WNT3: variants seen among roughly 807,000 people sequenced by gnomAD.
WNT3 encodes proto-oncogene Wnt-3.
WNT3 carries 7 observed loss-of-function variants against 34.2 expected under a neutral mutation model. The observed-to-expected ratio is 0.20, with a 90% CI of 0.12 to 0.38. The LOEUF (loss-of-function observed/expected upper bound fraction) is 0.38. WNT3 is among the 10% of genes least tolerant of loss of function. The probability of loss-of-function intolerance (pLI) is 1.00; values close to 1 mark genes in which losing one functional copy is unlikely to be tolerated. For synonymous variants in WNT3, 212 were observed against 211.5 expected (o/e 1.00, Z -0.02); for missense variants, 267 against 499.8 (o/e 0.53, Z 4.44).
At chr17:46,794,675 C>T (rs545552125) in intron 1 of WNT3, among the ~76,000 whole-genome samples, 1 of 152,224 alleles carries the variant, frequency 6.6e-6, no homozygotes, top group South Asian at 2.1e-4. Flanking sequence ...GGAATTCCCT[C>T]CTTTCCCAGG....
At chr17:46,773,456 G>A (rs541834242) in intron 2 of WNT3, among the ~76,000 whole-genome samples, 2 of 152,150 alleles carry the variant, frequency 1.3e-5, no homozygotes, top group South Asian at 2.1e-4. Context: ...TCTTGGTGTC[G>A]GCCCTCAAAC....
chr17:46,763,452 G>T lies in WNT3; in HGVS notation c.*1178C>A. The T allele has an allele frequency of 6.6e-6, 1 of 152,364 alleles. No homozygotes were observed. The allele number at this position is 152,364 out of a possible 1,614,324, so 9.4% of individuals were successfully genotyped here. A position where few individuals can be genotyped will look rare whatever the true frequency, so the allele number is the denominator to read the frequency against. ...GGAAGCTATCTCAGCATGCAGGTGA[G>T]GGAGGAAGAGCTGGGGGAAAGAACT... On this transcript the variant is annotated 3_prime_UTR_variant, in exon 5 of 5. Coordinates refer to ENST00000225512, the MANE Select transcript of WNT3 (RefSeq NM_030753.5).
At chr17:46,801,509 A>T (rs535098461) in intron 1 of WNT3, among the ~76,000 whole-genome samples, 23 of 122,658 alleles carry the variant, frequency 1.9e-4, no homozygotes, top group African/African-American at 7.2e-4. Context: ...AATCCCAGCA[A>T]CTTGGGAGGC....
chr17:46,769,688 G>C, intron 3 of WNT3, 95 bp downstream of exon 3: 1 of 1,536,970 alleles, frequency 6.5e-7, no homozygotes, highest in Non-Finnish European at 8.8e-7. Flanking sequence ...CGACCCACAG[G>C]GCTGCCGGAA....
intron 1 of WNT3, among the ~76,000 whole-genome samples, chr17:46,780,591 A>AG (rs2059452005): frequency 6.6e-6 from 1 of 152,114 alleles, no homozygotes; most frequent in Non-Finnish European, 1.5e-5. Flanking sequence ...GATCGAGACC[A>AG]CGGTGAAACC....
At position 46,788,133 on chromosome 17, in the gene WNT3, G is replaced by A. The variant is rs1182282024; in HGVS notation, c.81-14224C>T. ...AGTCCCCTTCAAAGAGGTGACATTC[G>A]AGCTGGGCCTTGAAGTTGAGCTCAG... On this transcript the variant is annotated intron_variant, in intron 1 of 4. Coordinates refer to ENST00000225512, the MANE Select transcript of WNT3 (RefSeq NM_030753.5). 2.6e-5 allele frequency among the ~76,000 whole-genome samples: 4 copies of A among 152,120 alleles called. No homozygotes were observed. In the East Asian group the frequency reaches 5.8e-4, roughly 22 times the overall value.
chr17:46,802,606 C>G (rs2084140511), intron 1 of WNT3, among the ~76,000 whole-genome samples: 1 of 152,144 alleles, frequency 6.6e-6, no homozygotes, highest in Non-Finnish European at 1.5e-5. Flanking sequence ...AACCCCAACC[C>G]CATCCTTTGG....
chr17:46,794,694 A>G (rs565393712), intron 1 of WNT3, among the ~76,000 whole-genome samples: 5 of 150,926 alleles, frequency 3.3e-5, no homozygotes, highest in African/African-American at 1.2e-4. Flanking sequence ...GGTCAGGAAG[A>G]TCTCGACCTC....
chr17:46,804,471 C>T (rs1023609502), intron 1 of WNT3, among the ~76,000 whole-genome samples: 1 of 152,200 alleles, frequency 6.6e-6, no homozygotes, highest in African/African-American at 2.4e-5. Flanking sequence ...ACTCCCTGCC[C>T]TATGGGGAAG....
intron 1 of WNT3, among the ~76,000 whole-genome samples, chr17:46,806,732 T>C (rs1312245197): frequency 6.6e-6 from 1 of 152,200 alleles, no homozygotes; most frequent in African/African-American, 2.4e-5. Flanking sequence ...GACCTGCACA[T>C]GTGTTGCCCA....
chr17:46,804,991 T>C (rs892911641), intron 1 of WNT3, among the ~76,000 whole-genome samples: 4 of 147,654 alleles, frequency 2.7e-5, no homozygotes, highest in Admixed American at 6.8e-5. Flanking sequence ...CTTTGTTCTT[T>C]TGCTCTTCAG....
intron 1 of WNT3, among the ~76,000 whole-genome samples, chr17:46,814,195 G>A (rs1052004063): frequency 3.3e-5 from 5 of 152,282 alleles, no homozygotes; most frequent in Non-Finnish European, 5.9e-5. Context: ...TCTTGGCCCC[G>A]GAGCTGTTGA....
chr17:46,773,432 G>T (rs978695024), intron 2 of WNT3, among the ~76,000 whole-genome samples: 1 of 152,166 alleles, frequency 6.6e-6, no homozygotes, highest in African/African-American at 2.4e-5. Context: ...AGCCAGGAAG[G>T]AAGTCTGTGG....
intron 1 of WNT3, among the ~76,000 whole-genome samples, chr17:46,790,163 C>A (rs572394963): frequency 1.3e-5 from 2 of 152,200 alleles, no homozygotes; most frequent in Non-Finnish European, 2.9e-5. Context: ...TCAGTCCCTG[C>A]CACCCATTCC....
At chr17:46,787,320 A>G (rs1694774144) in intron 1 of WNT3, among the ~76,000 whole-genome samples, 1 of 152,038 alleles carries the variant, frequency 6.6e-6, no homozygotes, top group Non-Finnish European at 1.5e-5. Context: ...GGGGAACAAT[A>G]GGAGTGTCCT....
In WNT3 at chr17:46,801,835, AGAG is replaced by A. The variant is rs534200621; in HGVS notation, c.80+16680_80+16682del. On this transcript the variant is annotated intron_variant, in intron 1 of 4. Transcript: ENST00000225512. ...GGGATGGAGATGATGCAGCCACATT[AGAG>A]GAGGCAAGCCTTCTTCCCGATGCTG... Among the ~76,000 whole-genome samples, 327 of 152,266 alleles carry A rather than the reference AGAG, an allele frequency of 2.1e-3. 1 individual carries two copies. The highest frequency in any genetic ancestry group is 4.3e-3 in the Admixed American group (65 of 15,288).
intron 1 of WNT3, among the ~76,000 whole-genome samples, chr17:46,775,660 C>G (rs957743320): frequency 7.0e-6 from 1 of 142,126 alleles, no homozygotes; most frequent in East Asian, 2.0e-4. Context: ...GTCACCCAGG[C>G]TGGAATGCAG....
chr17:46,785,614 C>G (rs2059497195), intron 1 of WNT3, among the ~76,000 whole-genome samples: 2 of 152,358 alleles, frequency 1.3e-5, no homozygotes, highest in South Asian at 2.1e-4. Flanking sequence ...GGTTCCCTTT[C>G]AGGGCCACGA....
chr17:46,770,888 A>T (rs1316040582), intron 2 of WNT3, among the ~76,000 whole-genome samples: 1 of 152,254 alleles, frequency 6.6e-6, no homozygotes, highest in Non-Finnish European at 1.5e-5. Flanking sequence ...ACGATTAGGG[A>T]GGCCAAGGCC....
Sources: gnomAD v4.1 joint callset for allele counts (sites outside exome capture counted in the v4.1 genomes callset) on GRCh38, gnomAD v4.1.1 for gene constraint, MANE v1.5 for transcripts, NCBI Gene and HGNC (gene_info 2026-07-23, HGNC 2026-07-21) for gene names.